Variants in ZNF195 observed in about 807,000 individuals in gnomAD.
ZNF195 encodes zinc finger protein 195.
Under a neutral mutation model 19.5 loss-of-function variants are expected in ZNF195, and 11 were observed. That is an observed-to-expected ratio of 0.57 (90% CI 0.36 to 0.94). The LOEUF (loss-of-function observed/expected upper bound fraction) is 0.94. ZNF195 is among the 40% of genes least tolerant of loss of function. The probability of loss-of-function intolerance (pLI) is 0.01; values close to 1 mark genes in which losing one functional copy is unlikely to be tolerated. For missense variants in ZNF195, 582 were observed against 709.0 expected, an observed-to-expected ratio of 0.82 and a Z score of 2.03; for synonymous variants, 214 against 248.1, an observed-to-expected ratio of 0.86 and a Z score of 1.29.
At chr11:3,361,319 T>C (rs568134806) in intron 4 of ZNF195, among the ~76,000 whole-genome samples, 4 of 152,182 alleles carry the variant, frequency 2.6e-5, no homozygotes, top group Middle Eastern at 3.4e-3. Context: ...CAGTCAAAGA[T>C]GACATGTACA....
intron 3 of ZNF195, among the ~76,000 whole-genome samples, chr11:3,366,263 CAAAAAA>C (rs35338297): frequency 0.048 from 4,227 of 88,964 alleles, 239 homozygotes; most frequent in African/African-American, 0.17. Flanking sequence ...GACTCCATCT[CAAAAAA>C]AAAAAAAAAA....
intron 1 of ZNF195, among the ~76,000 whole-genome samples, chr11:3,378,202 C>A (rs1250994005): frequency 1.3e-5 from 2 of 151,898 alleles, no homozygotes; most frequent in Non-Finnish European, 2.9e-5. Context: ...CTCAGCTACT[C>A]GGGAGGCTGA....
Position 3,376,281 on chromosome 11 carries a change from G to A in ZNF195, c.3+2757C>T, listed in dbSNP as rs557066474. On this transcript the variant is annotated intron_variant, in intron 1 of 5. Coordinates refer to ENST00000399602, the MANE Select transcript of ZNF195 (RefSeq NM_001130520.3). ...GCTAGGCCAGGGGTGTCCGATCTTG[G>A]CTTCCCTGGGCCACACATAAAATAC... Among the ~76,000 whole-genome samples the A allele has an allele frequency of 7.2e-5, 11 of 152,000 alleles. 1 individual carries two copies. Among genetic ancestry groups the A allele is most frequent in the African/African-American group, 2.2e-4 (9 of 41,438 alleles).
chr11:3,360,033 T>C lies in ZNF195; in HGVS notation c.975A>G (p.Glu325=), dbSNP rs1848551691. 6.2e-7 allele frequency: 1 copy of C among 1,614,066 alleles called. No individual in the cohort carries two copies. Among genetic ancestry groups the C allele is most frequent in the Non-Finnish European group, 8.5e-7 (1 of 1,180,034 alleles). ...LTKNRIYAGG[E]HYRCEEFGKV... ...TGCCAAATTCTTCACATCTGTAATG[T>C]TCCCCTCCGGCATAAATTCTATTTT... The change falls in exon 6 of 6, where the codon GAA becomes GAG. Residue 325 remains glutamate (E), a synonymous_variant. Transcript: ENST00000399602.
chr11:3,361,899 A>G lies in ZNF195; in HGVS notation c.227-10T>C. 4.7e-6 allele frequency: 2 copies of G among 424,412 alleles called. No homozygotes were observed. Among genetic ancestry groups the G allele is most frequent in the Middle Eastern group, 3.6e-4 (1 of 2,804 alleles). The allele number at this position is 424,412 out of a possible 1,614,324, so 26.3% of individuals were successfully genotyped here. A position where few individuals can be genotyped will look rare whatever the true frequency, so the allele number is the denominator to read the frequency against. The stretch of plus-strand genomic sequence containing the variant: ...TGGTGAAATCCCATCTCTACAGAAA[A>G]TACAAAAAAATTAGCTGTGTATGCT... On this transcript the variant is annotated splice_polypyrimidine_tract_variant and intron_variant, in intron 3 of 5. Coordinates refer to ENST00000399602, the MANE Select transcript of ZNF195 (RefSeq NM_001130520.3).
At chr11:3,364,779 A>C (rs1370035558) in intron 3 of ZNF195, among the ~76,000 whole-genome samples, 2 of 152,232 alleles carry the variant, frequency 1.3e-5, no homozygotes, top group Non-Finnish European at 2.9e-5. Context: ...CAAGAAACAC[A>C]GAAAACAGTA....
rs1427509793 is a variant in ZNF195 at position 3,373,471 on chromosome 11, A to T, written c.4-1768T>A. The T allele has an allele frequency of 3.4e-6, 3 of 883,798 alleles. No homozygotes were observed. The East Asian group carries it at 7.9e-5, about 23-fold the overall frequency. 54.7% of individuals were successfully genotyped at this position (883,798 alleles called of 1,614,324 possible). A position where few individuals can be genotyped will look rare whatever the true frequency, so the allele number is the denominator to read the frequency against. On this transcript the variant is annotated intron_variant, in intron 1 of 5. Transcript: ENST00000399602. ...AAAAAAAAGTAGTTGAAACAAACTT[A>T]CTATGGAGAAACACCACAAGTAGAG...
intron 1 of ZNF195, among the ~76,000 whole-genome samples, chr11:3,378,057 C>A (rs1050286640): frequency 6.6e-6 from 1 of 152,130 alleles, no homozygotes; most frequent in Non-Finnish European, 1.5e-5. Flanking sequence ...CGACTGTAAT[C>A]CCAGCACTTT....
At chr11:3,369,659 C>T (rs1849085887) in intron 3 of ZNF195, among the ~76,000 whole-genome samples, 1 of 152,174 alleles carries the variant, frequency 6.6e-6, no homozygotes. Flanking sequence ...CTGCACGTTC[C>T]CCCTCAGACG....
Position 3,360,416 on chromosome 11 carries a change from G to T in ZNF195, c.592C>A (p.Gln198Lys). The T allele has an allele frequency of 6.2e-7, 1 of 1,612,092 alleles. No individual in the cohort carries two copies. The highest frequency in any genetic ancestry group is 1.1e-5 in the South Asian group (1 of 90,678). ...DWESLDECKL[Q>K]KDYNGLNQCS... ...TGGTTAAGTCCATTATAATCTTTTT[G>T]CAACTTACACTCATCTAAACTTTCC... Residue 198 changes from glutamine to lysine, a missense_variant, in exon 6 of 6, where the codon CAA (glutamine) becomes AAA (lysine). This residue lies in a region of ZNF195 where 407 missense variants were observed against 530.5 expected (regional missense o/e 0.77). Coordinates refer to ENST00000399602, the MANE Select transcript of ZNF195 (RefSeq NM_001130520.3).
At chr11:3,363,479 G>A (rs1848726464) in intron 3 of ZNF195, 1 of 151,904 alleles carries the variant, frequency 6.6e-6, no homozygotes, top group Non-Finnish European at 1.5e-5. Context: ...AATGAACCTG[G>A]AAATAACAAA....
At chr11:3,367,461 G>T (rs1157778678) in intron 3 of ZNF195, among the ~76,000 whole-genome samples, 2 of 152,072 alleles carry the variant, frequency 1.3e-5, no homozygotes, top group African/African-American at 4.8e-5. Context: ...TCACTGGCAT[G>T]CAGTGGACAG....
At chr11:3,376,547 T>C (rs1849474604) in intron 1 of ZNF195, among the ~76,000 whole-genome samples, 1 of 152,204 alleles carries the variant, frequency 6.6e-6, no homozygotes, top group African/African-American at 2.4e-5. Flanking sequence ...ATCAGGGTTA[T>C]CCACTTAGGT....
At chr11:3,365,338 A>G (rs1477547750) in intron 3 of ZNF195, among the ~76,000 whole-genome samples, 1 of 152,252 alleles carries the variant, frequency 6.6e-6, no homozygotes, top group East Asian at 1.9e-4. Context: ...GAAGCAGAAT[A>G]TACAATATTC....
chr11:3,371,270 A>T, intron 2 of ZNF195, 200 bp from the exon 3 acceptor site: 1 of 658,354 alleles, frequency 1.5e-6, no homozygotes, highest in Non-Finnish European at 2.5e-6. Context: ...TACTGCTGAC[A>T]TAAAAAATTG....
At chr11:3,372,645 A>G (rs538593207) in intron 1 of ZNF195, among the ~76,000 whole-genome samples, 2 of 152,202 alleles carry the variant, frequency 1.3e-5, no homozygotes, top group African/African-American at 4.8e-5. Flanking sequence ...TGACAAATAA[A>G]TATCTCCCAG....
intron 3 of ZNF195, among the ~76,000 whole-genome samples, chr11:3,364,678 A>G (rs1487814311): frequency 6.6e-6 from 1 of 152,236 alleles, no homozygotes; most frequent in Non-Finnish European, 1.5e-5. Flanking sequence ...TCTGCAAAAC[A>G]CAATGAGAAA....
intron 3 of ZNF195, among the ~76,000 whole-genome samples, chr11:3,366,271 A>AG (rs1253459434): frequency 6.6e-6 from 1 of 150,706 alleles, no homozygotes; most frequent in African/African-American, 2.4e-5. Context: ...CTCAAAAAAA[A>AG]AAAAAAAAAA....
intron 1 of ZNF195, among the ~76,000 whole-genome samples, chr11:3,372,253 T>G (rs981837736): frequency 2.6e-5 from 4 of 152,206 alleles, no homozygotes; most frequent in Non-Finnish European, 4.4e-5. Context: ...GCAAGGCATA[T>G]GCAAAAAGAA....
Sources: gnomAD v4.1 joint callset for allele counts (sites outside exome capture counted in the v4.1 genomes callset) on GRCh38, gnomAD v4.1.1 for gene constraint, gnomAD v4.1.1 regional missense constraint, MANE v1.5 for transcripts, NCBI Gene and HGNC (gene_info 2026-07-23, HGNC 2026-07-21) for gene names.